Variants in ENPP1 observed in about 807,000 individuals in gnomAD.
ENPP1 encodes the protein ectonucleotide pyrophosphatase/phosphodiesterase 1.
In ENPP1, 73 loss-of-function variants were observed where a neutral mutation model predicts 122.8. That is an observed-to-expected ratio of 0.59 (90% confidence interval 0.49 to 0.72). ENPP1 has a LOEUF of 0.72. ENPP1 is among the 30% of genes least tolerant of loss of function. The pLI is 0.00. For missense variants in ENPP1, 978 were observed against 1,128.1 expected (o/e 0.87, Z 1.91); for synonymous variants, 367 against 391.6 (o/e 0.94, Z 0.74).
chr6:131,837,532 A>C (rs1781692189), intron 1 of ENPP1, among the ~76,000 whole-genome samples: 1 of 151,168 alleles, frequency 6.6e-6, no homozygotes, highest in Admixed American at 6.6e-5. Flanking sequence ...AAAAAAAAAA[A>C]AAAAAAAAAA....
Position 131,894,392 on chromosome 6 carries a change from TCTC to T in ENPP1, c.*3884_*3886del, listed in dbSNP as rs1246677786. On this transcript the variant is annotated 3_prime_UTR_variant, in exon 25 of 25. Transcript: ENST00000647893. Reference sequence around the variant, plus strand: ...CCTCCACCTCCGGGGTTCTAGCAATTCTCCTGCCTCAGCCTCCTGAGTAGCTGG... The same window carrying T: ...CCTCCACCTCCGGGGTTCTAGCAATTCTGCCTCAGCCTCCTGAGTAGCTGG... The T allele has an allele frequency of 6.6e-6, 1 of 152,392 alleles. No individual in the cohort carries two copies. The highest frequency in any genetic ancestry group is 1.5e-5 in the Non-Finnish European group (1 of 68,366). 9.4% of individuals were successfully genotyped at this position (152,392 alleles called of 1,614,324 possible). A position where few individuals can be genotyped will look rare whatever the true frequency, so the allele number is the denominator to read the frequency against.
rs1219354011 is a variant in ENPP1, at chr6:131,893,858, C to T, written c.*3347C>T. 6.7e-6 allele frequency: 1 copy of T among 148,608 alleles called. No homozygotes were observed. Among genetic ancestry groups the T allele is most frequent in the Admixed American group, 6.7e-5 (1 of 14,936 alleles). The allele number at this position is 148,608 out of a possible 1,614,324, so 9.2% of individuals were successfully genotyped here. A position where few individuals can be genotyped will look rare whatever the true frequency, so the allele number is the denominator to read the frequency against. On this transcript the variant is annotated 3_prime_UTR_variant, in exon 25 of 25. Transcript: ENST00000647893. ...AATTTGAATGGTAAATTCCCATGAA[C>T]ATATATGGAAATGTCTTTATCCTAC...
chr6:131,856,935 C>T (rs922769253), intron 6 of ENPP1, among the ~76,000 whole-genome samples: 5 of 152,086 alleles, frequency 3.3e-5, no homozygotes, highest in Non-Finnish European at 5.9e-5. Flanking sequence ...ATGCTTCCAG[C>T]TTTGTTCTTT....
intron 1 of ENPP1, among the ~76,000 whole-genome samples, chr6:131,837,992 A>G (rs970899284): frequency 3.3e-5 from 5 of 152,000 alleles, no homozygotes; most frequent in African/African-American, 1.2e-4. Context: ...ATCTTGCCTT[A>G]TTTCTTATTT....
intron 18 of ENPP1, 142 bp downstream of exon 18, chr6:131,877,303 C>G (rs534099424): frequency 1.3e-6 from 1 of 785,104 alleles, no homozygotes; most frequent in African/African-American, 1.7e-5. Context: ...CTAGGGGGCG[C>G]ATGTAGATCT....
chr6:131,837,172 TTGTGTGTGTGTGTG>T (rs67550562), intron 1 of ENPP1, among the ~76,000 whole-genome samples: 49 of 136,058 alleles, frequency 3.6e-4, no homozygotes, highest in East Asian at 1.3e-3. Context: ...CCTGTTGTCA[TTGTGTGTGTGTGTG>T]TGTGTGTGTG....
intron 11 of ENPP1, among the ~76,000 whole-genome samples, chr6:131,867,443 A>G (rs1027339701): frequency 6.6e-6 from 1 of 152,230 alleles, no homozygotes; most frequent in African/African-American, 2.4e-5. Flanking sequence ...TTGTAAGGAA[A>G]TAATGGGTTA....
chr6:131,808,772 C>G (rs1040756903), intron 1 of ENPP1, among the ~76,000 whole-genome samples: 2 of 152,150 alleles, frequency 1.3e-5, no homozygotes, highest in Non-Finnish European at 2.9e-5. Context: ...CCTTTCGCTC[C>G]GTTTTGGAAT....
intron 1 of ENPP1, among the ~76,000 whole-genome samples, chr6:131,845,404 T>C (rs1383877318): frequency 6.6e-6 from 1 of 151,306 alleles, no homozygotes; most frequent in East Asian, 1.9e-4. Context: ...TATTTTCTTA[T>C]ACATTTATAA....
At chr6:131,864,607 G>A (rs776349842) in intron 10 of ENPP1, 36 bp downstream of exon 10, 27 of 1,399,858 alleles carry the variant, frequency 1.9e-5, no homozygotes, top group East Asian at 2.3e-5. Flanking sequence ...TAAATACTTC[G>A]TTTTGTAGAA....
At chr6:131,858,065 C>T (rs180876071) in intron 6 of ENPP1, among the ~76,000 whole-genome samples, 207 of 152,166 alleles carry the variant, frequency 1.4e-3, no homozygotes, top group Non-Finnish European at 2.5e-3. Flanking sequence ...GAGTATTGAA[C>T]GCTGGAATCA....
chr6:131,875,946 C>A, intron 17 of ENPP1, 83 bp downstream of exon 17: 1 of 1,103,026 alleles, frequency 9.1e-7, no homozygotes, highest in Non-Finnish European at 1.4e-6. Context: ...TTGTAGGCAA[C>A]TTTGTGGAGA....
At chr6:131,810,112 A>C (rs1235181957) in intron 1 of ENPP1, among the ~76,000 whole-genome samples, 1 of 152,160 alleles carries the variant, frequency 6.6e-6, no homozygotes, top group Admixed American at 6.5e-5. Context: ...TTATCTCAGC[A>C]CTTTGGGAAG....
At chr6:131,869,956 A>G (rs1291982747) in intron 13 of ENPP1, among the ~76,000 whole-genome samples, 2 of 152,066 alleles carry the variant, frequency 1.3e-5, no homozygotes, top group African/African-American at 4.8e-5. Context: ...TCTCCAATGC[A>G]GAGCTTTTGT....
intron 1 of ENPP1, chr6:131,819,954 C>A: frequency 4.4e-5 from 14 of 317,930 alleles, no homozygotes; most frequent in East Asian, 1.6e-4. Context: ...TTTTTTTTTT[C>A]GCATCTTGCT....
intron 16 of ENPP1, among the ~76,000 whole-genome samples, chr6:131,875,026 A>G (rs1782211488): frequency 6.6e-6 from 1 of 152,144 alleles, no homozygotes; most frequent in South Asian, 2.1e-4. Context: ...ACGGACATAC[A>G]GAGTGGAATA....
chr6:131,880,596 G>C (rs1782291504), intron 20 of ENPP1, among the ~76,000 whole-genome samples: 1 of 150,968 alleles, frequency 6.6e-6, no homozygotes, highest in Non-Finnish European at 1.5e-5. Flanking sequence ...AGAAAGAAAA[G>C]AATTCTCTTT....
intron 13 of ENPP1, 91 bp downstream of exon 13, chr6:131,869,580 G>C: frequency 7.1e-6 from 10 of 1,412,260 alleles, no homozygotes; most frequent in Non-Finnish European, 1.0e-5. Flanking sequence ...TGTAATCGCA[G>C]CACTTTGGGA....
chr6:131,869,218 T>C (rs1006715810), intron 12 of ENPP1, 140 bp from the exon 13 acceptor site: 3 of 782,044 alleles, frequency 3.8e-6, no homozygotes, highest in South Asian at 1.6e-5. Flanking sequence ...AATTCTGTCT[T>C]ACCTATCAGA....
Sources: allele counts gnomAD v4.1 joint callset (sites outside exome capture counted in the v4.1 genomes callset), GRCh38; gene constraint gnomAD v4.1.1; transcripts MANE v1.5; gene names NCBI Gene and HGNC (gene_info 2026-07-23, HGNC 2026-07-21).